EIF2D: variants seen among roughly 807,000 people sequenced by gnomAD.
EIF2D encodes eukaryotic translation initiation factor 2D.
EIF2D carries 56 observed loss-of-function variants against 77.4 expected under a neutral mutation model. That is an observed-to-expected ratio of 0.72 (90% confidence interval 0.58 to 0.90). The LOEUF (loss-of-function observed/expected upper bound fraction) is 0.90. Ranked by LOEUF, EIF2D falls within the 40% of genes least tolerant of loss-of-function variation. The pLI, the probability that EIF2D is intolerant of heterozygous loss-of-function variation, is 0.00. For synonymous variants in EIF2D, 230 were observed against 271.0 expected, an observed-to-expected ratio of 0.85 and a Z score of 1.49; for missense variants, 574 against 706.5, an observed-to-expected ratio of 0.81 and a Z score of 2.13.
intron 4 of EIF2D, among the ~76,000 whole-genome samples, chr1:206,574,807 A>T (rs148168545): frequency 4.8e-5 from 7 of 145,242 alleles, no homozygotes; most frequent in Non-Finnish European, 9.1e-5. Flanking sequence ...CCCCATAGGG[A>T]TTCCTCTTTC....
At chr1:206,601,994 C>G (rs1669946959) in intron 7 of EIF2D, 2 of 225,216 alleles carry the variant, frequency 8.9e-6, no homozygotes, top group African/African-American at 4.6e-5. Flanking sequence ...AAGAGGCTGC[C>G]CTGGGACACT....
Position 206,597,249 on chromosome 1 carries a change from G to A in EIF2D, c.1293-54C>T. On this transcript the variant is annotated intron_variant, in intron 11 of 14. Transcript: ENST00000271764. The stretch of plus-strand genomic sequence containing the variant: ...ATCCTAGACTTGTCCCTTCTGACCT[G>A]AAGGCTAATTCAGGATTCATCTCTC... The A allele has an allele frequency of 2.2e-6, 3 of 1,372,648 alleles. No individual in the cohort carries two copies. The Admixed American group carries it at 5.2e-5, about 24-fold the overall frequency. The allele number at this position is 1,372,648 out of a possible 1,614,324, so 85.0% of individuals were successfully genotyped here. A position where few individuals can be genotyped will look rare whatever the true frequency, so the allele number is the denominator to read the frequency against.
At chr1:206,591,275 T>C (rs1553408906), downstream of EIF2D, among the ~76,000 whole-genome samples, 1 of 152,264 alleles carries the variant, frequency 6.6e-6, no homozygotes, top group Admixed American at 6.5e-5. Flanking sequence ...TTCTGATTTC[T>C]ATCTAGCCTA....
intron 1 of EIF2D, 25 bp downstream of exon 1, chr1:206,612,262 A>G: frequency 1.2e-6 from 2 of 1,614,190 alleles, no homozygotes; most frequent in Non-Finnish European, 1.7e-6. Flanking sequence ...GTTCCGTGGC[A>G]GAGCAGGCCC....
intron 1 of EIF2D, 105 bp from the exon 2 acceptor site, chr1:206,611,479 A>C: frequency 1.1e-6 from 1 of 891,150 alleles, no homozygotes; most frequent in Non-Finnish European, 1.7e-6. Context: ...GGGCCAAAGA[A>C]AGATTGCCTG....
At chr1:206,587,230 C>A (rs916306640), downstream of EIF2D, 14 of 450,968 alleles carry the variant, frequency 3.1e-5, no homozygotes, top group Non-Finnish European at 4.9e-5. Context: ...CAGCTGACGT[C>A]CTCTCTCGAT....
At chr1:206,604,493 G>C (rs1312656653) in intron 5 of EIF2D, 5 of 151,850 alleles carry the variant, frequency 3.3e-5, no homozygotes, top group Admixed American at 2.0e-4. Context: ...CCAGCACTTT[G>C]GGAGGCCGAG....
intron 2 of EIF2D, among the ~76,000 whole-genome samples, chr1:206,610,550 G>A (rs1463907464): frequency 1.3e-5 from 2 of 152,010 alleles, no homozygotes; most frequent in Non-Finnish European, 2.9e-5. Flanking sequence ...GCCAGGCGCG[G>A]TGGCTCACGT....
chr1:206,607,723 G>A (rs1670265713), intron 4 of EIF2D, among the ~76,000 whole-genome samples: 1 of 152,116 alleles, frequency 6.6e-6, no homozygotes, highest in South Asian at 2.1e-4. Flanking sequence ...TCACAAACAG[G>A]AGACTAAGGA....
At chr1:206,611,711 G>A (rs1471510514) in intron 1 of EIF2D, among the ~76,000 whole-genome samples, 4 of 152,262 alleles carry the variant, frequency 2.6e-5, no homozygotes, top group South Asian at 4.1e-4. Context: ...TACATGCTTC[G>A]CAAATATGCC....
chr1:206,610,053 G>C (rs529869312), intron 2 of EIF2D, among the ~76,000 whole-genome samples: 2 of 152,292 alleles, frequency 1.3e-5, no homozygotes, highest in South Asian at 4.2e-4. Flanking sequence ...ATTTGTGACA[G>C]AGAAGGCAAA....
intron 14 of EIF2D, 88 bp from the exon 15 acceptor site, chr1:206,591,933 C>A: frequency 6.3e-6 from 8 of 1,276,712 alleles, no homozygotes; most frequent in Non-Finnish European, 9.2e-6. Flanking sequence ...CTCACAATGT[C>A]ATTCCACCCA....
chr1:206,593,485 G>A, intron 14 of EIF2D, 134 bp downstream of exon 14: 2 of 530,038 alleles, frequency 3.8e-6, no homozygotes, highest in Non-Finnish European at 6.0e-6. Flanking sequence ...GAGAGAGAGA[G>A]AGCGAGAGAG....
chr1:206,603,889 T>C (rs1389412060), intron 5 of EIF2D, among the ~76,000 whole-genome samples: 2 of 152,262 alleles, frequency 1.3e-5, no homozygotes, highest in Non-Finnish European at 2.9e-5. Context: ...TTCTCAGTGT[T>C]GTTCACAGTA....
chr1:206,612,442 T>A lies in EIF2D; in HGVS notation c.-100A>T, dbSNP rs1057022622. On this transcript the variant is annotated 5_prime_UTR_variant, in exon 1 of 15. The change abolishes an upstream ATG in the 5' untranslated region. Coordinates refer to ENST00000271764, the MANE Select transcript of EIF2D (RefSeq NM_006893.3). Reference sequence around the variant, plus strand: ...AGGCCCTCAGCCGTGGGGGCAGCCATGCTGGGGCCCGGCCGCGAAAAGGGC... The same window carrying A: ...AGGCCCTCAGCCGTGGGGGCAGCCAAGCTGGGGCCCGGCCGCGAAAAGGGC... The A allele has an allele frequency of 1.3e-6, 2 of 1,503,730 alleles. No individual in the cohort carries two copies. The highest frequency in any genetic ancestry group is 4.5e-5 in the East Asian group (2 of 44,018). 93.1% of individuals were successfully genotyped at this position (1,503,730 alleles called of 1,614,324 possible).
At chr1:206,604,300 G>A (rs1431230243) in intron 5 of EIF2D, among the ~76,000 whole-genome samples, 5 of 152,074 alleles carry the variant, frequency 3.3e-5, no homozygotes, top group Admixed American at 6.6e-5. Flanking sequence ...AAAATTAGCC[G>A]GATGTTTTGG....
chr1:206,591,643 T>G lies in EIF2D; in HGVS notation c.*132A>C. The G allele has an allele frequency of 1.2e-6, 1 of 841,612 alleles. No homozygotes were observed. The highest frequency in any genetic ancestry group is 1.9e-6 in the Non-Finnish European group (1 of 533,590). The allele number at this position is 841,612 out of a possible 1,614,324, so 52.1% of individuals were successfully genotyped here. ...GGAGGAAACAAGAGGGAAGTCAGAT[T>G]TAGATTAGAATAAAAATTTATTTTT... is the stretch of plus-strand genomic sequence containing the variant. On this transcript the variant is annotated 3_prime_UTR_variant, in exon 15 of 15. Transcript: ENST00000271764.
intron 5 of EIF2D, among the ~76,000 whole-genome samples, chr1:206,572,195 CTTCT>C (rs71152477): frequency 0.17 from 25,120 of 151,990 alleles, 2,341 homozygotes; most frequent in Middle Eastern, 0.35. Context: ...CGTGTTACTG[CTTCT>C]TTGTGTTTTC....
In EIF2D at chr1:206,595,644, TC is replaced by T; in HGVS notation, c.1509+73del. On this transcript the variant is annotated intron_variant, in intron 13 of 14. Coordinates refer to ENST00000271764, the MANE Select transcript of EIF2D (RefSeq NM_006893.3). ...TTGAGGCCAATCTAAAAACCTCCAA[TC>T]ACATTAGGGAGACCAGAACTTGGCA... is the stretch of plus-strand genomic sequence containing the variant. 3.3e-6 allele frequency: 5 copies of T among 1,529,066 alleles called. No homozygotes were observed. The South Asian group carries it at 5.0e-5, about 15-fold the overall frequency. 94.7% of individuals were successfully genotyped at this position (1,529,066 alleles called of 1,614,324 possible). A position where few individuals can be genotyped will look rare whatever the true frequency, so the allele number is the denominator to read the frequency against.
Sources: gnomAD v4.1 joint callset for allele counts (sites outside exome capture counted in the v4.1 genomes callset) on GRCh38, gnomAD v4.1.1 for gene constraint, MANE v1.5 for transcripts, NCBI Gene and HGNC (gene_info 2026-07-23, HGNC 2026-07-21) for gene names.